Variants in ALG5 observed in about 807,000 individuals in gnomAD.
ALG5 encodes the protein ALG5 dolichyl-phosphate beta-glucosyltransferase.
In ALG5, 26 loss-of-function variants were observed where a neutral mutation model predicts 51.8. That is an observed-to-expected ratio of 0.50 (90% CI 0.37 to 0.70). The LOEUF is 0.70. ALG5 is among the 30% of genes least tolerant of loss of function. The probability of loss-of-function intolerance (pLI) is 0.00; values close to 1 mark genes in which losing one functional copy is unlikely to be tolerated. For synonymous variants in ALG5, 141 were observed against 136.1 expected, an observed-to-expected ratio of 1.04 and a Z score of -0.25; for missense variants, 311 against 399.3, an observed-to-expected ratio of 0.78 and a Z score of 1.88.
At chr13:36,998,975 G>A (rs973267792) in intron 1 of ALG5, 11 of 353,608 alleles carry the variant, frequency 3.1e-5, no homozygotes, top group Non-Finnish European at 5.6e-5. Context: ...ATGATGCCAG[G>A]CCGGGTGGGT....
intron 7 of ALG5, among the ~76,000 whole-genome samples, chr13:36,967,321 C>T (rs1464436930): frequency 6.6e-6 from 1 of 152,062 alleles, no homozygotes; most frequent in African/African-American, 2.4e-5. Flanking sequence ...GCAGGGTGAC[C>T]TTCAACAAGT....
chr13:36,950,522 C>T (rs755877911), intron 9 of ALG5, among the ~76,000 whole-genome samples: 2 of 152,106 alleles, frequency 1.3e-5, no homozygotes, highest in Non-Finnish European at 2.9e-5. Flanking sequence ...CTCTTTGTCT[C>T]GGGCTACACA....
chr13:36,977,790 C>CAAAAAAAAAAAAAAAAAAAAAAAAA (rs869027711), intron 6 of ALG5, among the ~76,000 whole-genome samples: 1 of 39,172 alleles, frequency 2.6e-5, no homozygotes, highest in African/African-American at 1.3e-4. Context: ...AGACTGTCTC[C>CAAAAAAAAAAAAAAAAAAAAAAAAA]AAAAAAAAAA....
rs139652922 is a variant in ALG5, at chr13:36,969,789, C to T, written c.621+2188G>A. Among the ~76,000 whole-genome samples, 235 of 152,158 alleles carry T rather than the reference C, an allele frequency of 1.5e-3. 1 individual carries two copies. The highest frequency in any genetic ancestry group is 5.5e-3 in the African/African-American group (227 of 41,532). On this transcript the variant is annotated intron_variant, in intron 7 of 9. Transcript: ENST00000239891. ...ACCTCAGGTGATCCGCCTGCCTCGG[C>T]CTCTCAAAGTGCTGGGATTACAGGT...
chr13:36,976,157 G>A (rs930339719), intron 6 of ALG5, among the ~76,000 whole-genome samples: 29 of 151,792 alleles, frequency 1.9e-4, no homozygotes, highest in Admixed American at 1.6e-3. Context: ...GGCTGGGCAC[G>A]GTAGCTTATG....
chr13:36,973,482 T>C (rs1593670561), intron 6 of ALG5, among the ~76,000 whole-genome samples: 1 of 152,188 alleles, frequency 6.6e-6, no homozygotes, highest in Non-Finnish European at 1.5e-5. Context: ...TAATGGGACA[T>C]AGTCCAGATA....
chr13:36,964,068 C>T (rs1378467160), intron 8 of ALG5, among the ~76,000 whole-genome samples: 1 of 152,110 alleles, frequency 6.6e-6, no homozygotes, highest in Non-Finnish European at 1.5e-5. Flanking sequence ...GAAAAAACTA[C>T]AAATGTCATA....
chr13:36,993,771 G>A, intron 3 of ALG5, 99 bp from the exon 4 acceptor site: 2 of 900,304 alleles, frequency 2.2e-6, no homozygotes, highest in Non-Finnish European at 1.8e-6. Flanking sequence ...CTTTAGTGTT[G>A]ATACATATAA....
intron 8 of ALG5, among the ~76,000 whole-genome samples, chr13:36,957,746 C>G (rs992153790): frequency 6.6e-6 from 1 of 152,110 alleles, no homozygotes; most frequent in Non-Finnish European, 1.5e-5. Flanking sequence ...GACCAAGAGA[C>G]GGCCAAGTTA....
At chr13:36,977,796 A>AAAAAAACAAAAC (rs2058959296) in intron 6 of ALG5, among the ~76,000 whole-genome samples, 1 of 143,926 alleles carries the variant, frequency 6.9e-6, no homozygotes, top group African/African-American at 2.6e-5. Flanking sequence ...TCTCCAAAAA[A>AAAAAAACAAAAC]AAAAAAAAAA....
chr13:36,981,198 C>T (rs979591764), intron 6 of ALG5, among the ~76,000 whole-genome samples: 10 of 151,786 alleles, frequency 6.6e-5, no homozygotes, highest in Non-Finnish European at 1.5e-5. Flanking sequence ...AGAGGAAATA[C>T]AAGCAAGTAG....
chr13:36,985,766 G>C (rs1347190758), intron 5 of ALG5, 26 bp from the exon 6 acceptor site: 5 of 1,525,932 alleles, frequency 3.3e-6, no homozygotes, highest in South Asian at 1.2e-5. Flanking sequence ...TCAAGTCAAA[G>C]AAAATTGGTT....
intron 8 of ALG5, among the ~76,000 whole-genome samples, chr13:36,955,406 A>G (rs531676300): frequency 2.9e-3 from 443 of 152,310 alleles, no homozygotes; most frequent in Non-Finnish European, 4.6e-3. Context: ...AGAAAATGAC[A>G]AAGTTTTAAA....
chr13:36,949,921 C>A lies in ALG5; in HGVS notation c.*21G>T. 1 of 1,519,434 alleles carries A rather than the reference C, an allele frequency of 6.6e-7. No individual in the cohort carries two copies. Among genetic ancestry groups the A allele is most frequent in the Non-Finnish European group, 9.1e-7 (1 of 1,103,216 alleles). The allele number at this position is 1,519,434 out of a possible 1,614,324, so 94.1% of individuals were successfully genotyped here. A position where few individuals can be genotyped will look rare whatever the true frequency, so the allele number is the denominator to read the frequency against. ...AATGTGACACTGAAGCATAAGAACA[C>A]AACTGAAGACTGCAAACAACCTAAT... On this transcript the variant is annotated 3_prime_UTR_variant, in exon 10 of 10. Transcript: ENST00000239891.
chr13:36,966,408 CAT>C (rs535196167), intron 7 of ALG5, among the ~76,000 whole-genome samples: 93 of 152,304 alleles, frequency 6.1e-4, no homozygotes, highest in Non-Finnish European at 1.2e-3. Context: ...ATTCATAAAA[CAT>C]AGCACATTTT....
intron 5 of ALG5, among the ~76,000 whole-genome samples, chr13:36,989,205 T>A (rs570187923): frequency 3.3e-5 from 5 of 152,158 alleles, no homozygotes; most frequent in Non-Finnish European, 7.4e-5. Flanking sequence ...AAAAACCACA[T>A]AAGCTATCTG....
intron 8 of ALG5, among the ~76,000 whole-genome samples, chr13:36,964,789 G>A (rs1346380948): frequency 6.6e-6 from 1 of 152,084 alleles, no homozygotes; most frequent in Non-Finnish European, 1.5e-5. Context: ...GCTGGGTGTG[G>A]TAGCGCCCAC....
chr13:36,967,447 G>A (rs1367388320), intron 7 of ALG5, among the ~76,000 whole-genome samples: 1 of 152,040 alleles, frequency 6.6e-6, no homozygotes, highest in Non-Finnish European at 1.5e-5. Flanking sequence ...GTTTGGCACA[G>A]AAAATAACAG....
chr13:36,974,483 ATTCT>A (rs1358543875), intron 6 of ALG5, among the ~76,000 whole-genome samples: 7 of 152,192 alleles, frequency 4.6e-5, no homozygotes, highest in African/African-American at 1.7e-4. Flanking sequence ...ATTTCTTTGT[ATTCT>A]TTTTTTCTCT....
Sources: allele counts gnomAD v4.1 joint callset (sites outside exome capture counted in the v4.1 genomes callset), GRCh38; gene constraint gnomAD v4.1.1; transcripts MANE v1.5; gene names NCBI Gene and HGNC (gene_info 2026-07-23, HGNC 2026-07-21).